TMEM117: variants seen among roughly 807,000 people sequenced by gnomAD.
The protein encoded by TMEM117 is transmembrane protein 117.
In TMEM117, 27 loss-of-function variants were observed where a neutral mutation model predicts 52.4. The ratio of observed to expected loss-of-function variants is 0.51; its 90% confidence interval spans 0.38 to 0.71. The LOEUF (loss-of-function observed/expected upper bound fraction) is 0.71. TMEM117 is among the 30% of genes least tolerant of loss of function. The pLI, the probability that TMEM117 is intolerant of heterozygous loss-of-function variation, is 0.00. For missense variants in TMEM117, 556 were observed against 630.5 expected, an observed-to-expected ratio of 0.88 and a Z score of 1.26; for synonymous variants, 215 against 206.3, an observed-to-expected ratio of 1.04 and a Z score of -0.36.
chr12:43,875,230 T>C (rs1164433143), intron 2 of TMEM117, among the ~76,000 whole-genome samples: 2 of 151,378 alleles, frequency 1.3e-5, no homozygotes, highest in Non-Finnish European at 2.9e-5. Context: ...AGTGTGTGTG[T>C]GTGTGTGTGT....
intron 3 of TMEM117, among the ~76,000 whole-genome samples, chr12:44,037,300 C>A (rs1946724698): frequency 6.6e-6 from 1 of 152,158 alleles, no homozygotes; most frequent in African/African-American, 2.4e-5. Context: ...GCCTGGGAAG[C>A]CCCCCTTCCC....
chr12:43,952,867 G>GA (rs1235207312), intron 3 of TMEM117, among the ~76,000 whole-genome samples: 1 of 151,766 alleles, frequency 6.6e-6, no homozygotes, highest in Non-Finnish European at 1.5e-5. Context: ...TTGAAATGAA[G>GA]AAAAAAATGC....
chr12:44,067,066 C>G (rs1053392919), intron 3 of TMEM117, among the ~76,000 whole-genome samples: 1 of 152,040 alleles, frequency 6.6e-6, no homozygotes, highest in African/African-American at 2.4e-5. Context: ...AAAATACTTT[C>G]TTTGCTCATT....
the TMEM117 span, among the ~76,000 whole-genome samples, chr12:44,395,767 C>G: frequency 6.6e-6 from 1 of 152,140 alleles, no homozygotes; most frequent in Non-Finnish European, 1.5e-5. Flanking sequence ...GAGGAAGATG[C>G]TGTAAGAATT....
At chr12:44,337,398 A>G (rs991282820) in intron 6 of TMEM117, among the ~76,000 whole-genome samples, 2 of 152,046 alleles carry the variant, frequency 1.3e-5, no homozygotes, top group African/African-American at 2.4e-5. Flanking sequence ...GATTAATAGT[A>G]TGACATTGTT....
At position 44,106,141 on chromosome 12, in the gene TMEM117, G is replaced by C. The variant is rs1356301787; in HGVS notation, c.411-37384G>C. 2.0e-5 allele frequency among the ~76,000 whole-genome samples: 3 copies of C among 152,106 alleles called. No homozygotes were observed. In the East Asian group the frequency reaches 5.8e-4, roughly 29 times the overall value. ...TCACCTGTCTGTCTTTCCAGTTTTG[G>C]GGGCAGCAGCTTGCACTTCTCTGAC... On this transcript the variant is annotated intron_variant, in intron 3 of 7. Coordinates refer to ENST00000266534, the MANE Select transcript of TMEM117 (RefSeq NM_032256.3).
intron 4 of TMEM117, among the ~76,000 whole-genome samples, chr12:44,191,278 A>T (rs930367412): frequency 2.4e-4 from 36 of 152,094 alleles, no homozygotes; most frequent in Admixed American, 6.5e-5. Context: ...GGTCCCTCCC[A>T]TGGCATGTAG....
At chr12:44,332,114 A>C (rs1951278857) in intron 6 of TMEM117, among the ~76,000 whole-genome samples, 1 of 152,078 alleles carries the variant, frequency 6.6e-6, no homozygotes, top group Admixed American at 6.6e-5. Context: ...CAAGTCCCAG[A>C]GAAGACACAT....
At chr12:43,991,451 A>ATTTATCTG (rs1214501860) in intron 3 of TMEM117, among the ~76,000 whole-genome samples, 4 of 151,752 alleles carry the variant, frequency 2.6e-5, no homozygotes, top group African/African-American at 9.7e-5. Flanking sequence ...CTATCTATCT[A>ATTTATCTG]TCTATCTATC....
At chr12:44,096,105 C>A (rs2138058761) in intron 3 of TMEM117, among the ~76,000 whole-genome samples, 1 of 152,280 alleles carries the variant, frequency 6.6e-6, no homozygotes, top group South Asian at 2.1e-4. Context: ...AGTGAACTCC[C>A]ATTCACAATT....
chr12:43,861,649 A>G (rs1943491350), intron 2 of TMEM117, among the ~76,000 whole-genome samples: 1 of 152,216 alleles, frequency 6.6e-6, no homozygotes, highest in Non-Finnish European at 1.5e-5. Flanking sequence ...TTTAGATACA[A>G]TACTTTGAGC....
At chr12:44,318,037 G>A (rs567997291) in intron 6 of TMEM117, among the ~76,000 whole-genome samples, 3 of 152,304 alleles carry the variant, frequency 2.0e-5, no homozygotes, top group South Asian at 2.1e-4. Flanking sequence ...TCTGCATGGG[G>A]AGGGGTGACG....
chr12:44,149,264 C>G (rs1565848951), intron 4 of TMEM117, among the ~76,000 whole-genome samples: 1 of 152,100 alleles, frequency 6.6e-6, no homozygotes, highest in Non-Finnish European at 1.5e-5. Context: ...TCCCTTGAGT[C>G]ATGTGAGCAA....
At chr12:44,150,789 G>A (rs897413684) in intron 4 of TMEM117, among the ~76,000 whole-genome samples, 20 of 152,076 alleles carry the variant, frequency 1.3e-4, no homozygotes, top group Admixed American at 1.3e-3. Context: ...CCTAAGTGAT[G>A]ATCAAGAGTC....
intron 3 of TMEM117, among the ~76,000 whole-genome samples, chr12:44,099,917 G>C (rs542395184): frequency 7.9e-5 from 12 of 152,068 alleles, no homozygotes; most frequent in African/African-American, 2.7e-4. Flanking sequence ...AGGACATTAA[G>C]AATGATGACC....
chr12:44,380,888 G>A (rs1023315708), intron 7 of TMEM117, among the ~76,000 whole-genome samples: 1 of 152,096 alleles, frequency 6.6e-6, no homozygotes, highest in African/African-American at 2.4e-5. Flanking sequence ...TCCTTAAAAA[G>A]GAGAAAGCTA....
chr12:44,237,314 T>C (rs1171279711), intron 5 of TMEM117, among the ~76,000 whole-genome samples: 4 of 152,054 alleles, frequency 2.6e-5, no homozygotes, highest in African/African-American at 4.8e-5. Flanking sequence ...GTTGTTCGAA[T>C]AGGTTTTTTT....
intron 4 of TMEM117, among the ~76,000 whole-genome samples, chr12:44,186,846 A>G (rs1273101039): frequency 6.6e-6 from 1 of 152,180 alleles, no homozygotes; most frequent in South Asian, 2.1e-4. Flanking sequence ...GTCCCAAAGC[A>G]TCGTTGTCCT....
At chr12:43,914,572 A>T (rs1944569437) in intron 2 of TMEM117, among the ~76,000 whole-genome samples, 1 of 152,124 alleles carries the variant, frequency 6.6e-6, no homozygotes. Context: ...GATAGAGAGG[A>T]TGGGAGAGAA....
Sources: allele counts gnomAD v4.1 joint callset (sites outside exome capture counted in the v4.1 genomes callset), GRCh38; gene constraint gnomAD v4.1.1; transcripts MANE v1.5; gene names NCBI Gene and HGNC (gene_info 2026-07-23, HGNC 2026-07-21).